TLL1: variants seen among roughly 807,000 people sequenced by gnomAD.
TLL1 encodes tolloid-like protein 1.
Under a neutral mutation model 128.2 loss-of-function variants are expected in TLL1, and 49 were observed. The ratio of observed to expected loss-of-function variants is 0.38; its 90% CI spans 0.30 to 0.48. The LOEUF (loss-of-function observed/expected upper bound fraction) is 0.48. TLL1 is among the 20% of genes least tolerant of loss of function. The pLI is 0.96. For missense variants in TLL1, 1,123 were observed against 1,242.0 expected (o/e 0.90, Z 1.44); for synonymous variants, 454 against 418.8 (o/e 1.08, Z -1.03).
rs180853959 is a variant in TLL1 at position 166,011,893 on chromosome 4, T to C, written c.918-2543T>C. Among the ~76,000 whole-genome samples, 34 of 151,630 alleles carry C rather than the reference T, an allele frequency of 2.2e-4. No individual in the cohort carries two copies. The East Asian group carries it at 6.4e-3, about 28-fold the overall frequency. ...TTCTATATCAGCTAACATGATCATA[T>C]GGTTTTTGTTCTTTATTCTGTTAAT... On this transcript the variant is annotated intron_variant, in intron 7 of 20. Coordinates refer to ENST00000061240, the MANE Select transcript of TLL1 (RefSeq NM_012464.5).
intron 1 of TLL1, among the ~76,000 whole-genome samples, chr4:165,956,212 G>T (rs1734783961): frequency 1.3e-5 from 2 of 152,204 alleles, no homozygotes; most frequent in South Asian, 2.1e-4. Flanking sequence ...CTGTTCAGTG[G>T]TGCACGTATT....
intron 1 of TLL1, among the ~76,000 whole-genome samples, chr4:165,906,599 T>C (rs7698848): frequency 0.34 from 51,119 of 151,976 alleles, 9,046 homozygotes; most frequent in East Asian, 0.56. Context: ...GTGAAAATCT[T>C]GGAAATATTT....
At chr4:166,100,634 A>G in intron 20 of TLL1, 108 bp from the exon 21 acceptor site, 1 of 1,441,828 alleles carries the variant, frequency 6.9e-7, no homozygotes. Context: ...TGTTGGGAGG[A>G]TTAAATTATA....
intron 1 of TLL1, among the ~76,000 whole-genome samples, chr4:165,962,389 C>CAT (rs1012078362): frequency 1.3e-5 from 2 of 152,144 alleles, no homozygotes; most frequent in African/African-American, 4.8e-5. Flanking sequence ...TTACACCACT[C>CAT]ATAATGGCTT....
intron 8 of TLL1, among the ~76,000 whole-genome samples, chr4:166,017,394 A>AG (rs201205925): frequency 6.6e-6 from 1 of 152,232 alleles, no homozygotes; most frequent in African/African-American, 2.4e-5. Flanking sequence ...TGCTGCGGTG[A>AG]ACATACCAGT....
In TLL1 at chr4:165,924,110, A is replaced by G. The variant is rs151245670; in HGVS notation, c.169+50037A>G. Among the ~76,000 whole-genome samples the G allele has an allele frequency of 2.3e-3, 350 of 152,242 alleles. 2 individuals are homozygous for G. The East Asian group carries it at 0.043, about 19-fold the overall frequency. On this transcript the variant is annotated intron_variant, in intron 1 of 20. Transcript: ENST00000061240. ...GGTTCTTTCTATTCCATGAGACACA[A>G]CAGTATTGAAATTAGGCCAGTTAAT... is the stretch of plus-strand genomic sequence containing the variant.
chr4:165,959,629 T>C (rs550474267), intron 1 of TLL1, among the ~76,000 whole-genome samples: 1 of 152,170 alleles, frequency 6.6e-6, no homozygotes, highest in South Asian at 2.1e-4. Flanking sequence ...AAAGTTGAAA[T>C]AATATCTAGC....
intron 1 of TLL1, among the ~76,000 whole-genome samples, chr4:165,931,432 T>G (rs1321282893): frequency 6.6e-6 from 1 of 152,102 alleles, no homozygotes; most frequent in Non-Finnish European, 1.5e-5. Flanking sequence ...GAAATTGCAG[T>G]GATTGGCCAG....
chr4:166,062,083 G>T (rs1450947516), intron 15 of TLL1, among the ~76,000 whole-genome samples: 1 of 152,106 alleles, frequency 6.6e-6, no homozygotes, highest in African/African-American at 2.4e-5. Flanking sequence ...CTATATCTCT[G>T]TGTTGGTACC....
chr4:165,931,455 A>C (rs1001088346), intron 1 of TLL1, among the ~76,000 whole-genome samples: 2 of 152,256 alleles, frequency 1.3e-5, no homozygotes, highest in East Asian at 3.9e-4. Flanking sequence ...GTGGTCATTC[A>C]CACCTGTAAT....
chr4:165,996,065 A>G (rs1736862328), intron 5 of TLL1, among the ~76,000 whole-genome samples: 1 of 151,884 alleles, frequency 6.6e-6, no homozygotes, highest in South Asian at 2.1e-4. Context: ...GATAGTTTTG[A>G]TGCTTGGAAT....
At chr4:165,992,362 C>T (rs1736685009) in intron 2 of TLL1, among the ~76,000 whole-genome samples, 2 of 151,966 alleles carry the variant, frequency 1.3e-5, no homozygotes, top group South Asian at 4.1e-4. Flanking sequence ...AGAAAACATG[C>T]ATTACACATT....
chr4:165,998,139 T>A (rs1329919765), intron 5 of TLL1, among the ~76,000 whole-genome samples: 1 of 152,180 alleles, frequency 6.6e-6, no homozygotes, highest in Admixed American at 6.5e-5. Context: ...CAGTGAACAG[T>A]TATTGTCATC....
intron 8 of TLL1, among the ~76,000 whole-genome samples, chr4:166,020,533 T>C (rs1354396184): frequency 2.6e-5 from 4 of 152,202 alleles, no homozygotes; most frequent in Non-Finnish European, 5.9e-5. Flanking sequence ...TTTCTCTCTT[T>C]TGGGGTCCCC....
chr4:165,918,938 T>C (rs547326412), intron 1 of TLL1, among the ~76,000 whole-genome samples: 65 of 152,282 alleles, frequency 4.3e-4, no homozygotes, highest in African/African-American at 1.6e-3. Context: ...AGTTCTTCTG[T>C]GGTCAGGAGA....
chr4:166,034,806 G>A (rs1738925105), intron 9 of TLL1, among the ~76,000 whole-genome samples: 1 of 152,100 alleles, frequency 6.6e-6, no homozygotes, highest in Non-Finnish European at 1.5e-5. Flanking sequence ...AGTAATTTGT[G>A]GACAATAGAA....
chr4:166,001,821 T>A (rs1030824517), intron 5 of TLL1, among the ~76,000 whole-genome samples: 5 of 151,806 alleles, frequency 3.3e-5, no homozygotes, highest in Admixed American at 3.3e-4. Flanking sequence ...AAAAATGTCA[T>A]TGAATATGTA....
At chr4:165,897,262 T>G (rs1023799985) in intron 1 of TLL1, among the ~76,000 whole-genome samples, 11 of 152,222 alleles carry the variant, frequency 7.2e-5, no homozygotes, top group Non-Finnish European at 1.5e-4. Context: ...TGGCTTTTGT[T>G]GCCATTGCTT....
chr4:165,974,402 A>G (rs1441272671), intron 1 of TLL1, among the ~76,000 whole-genome samples: 1 of 151,336 alleles, frequency 6.6e-6, no homozygotes, highest in Non-Finnish European at 1.5e-5. Flanking sequence ...GGCCTCCCAA[A>G]GTGCTGGGAT....
Sources: gnomAD v4.1 joint callset for allele counts (sites outside exome capture counted in the v4.1 genomes callset) on GRCh38, gnomAD v4.1.1 for gene constraint, MANE v1.5 for transcripts, NCBI Gene and HGNC (gene_info 2026-07-23, HGNC 2026-07-21) for gene names.